NCOR1: variants seen among roughly 807,000 people sequenced by gnomAD.
The protein encoded by NCOR1 is nuclear receptor corepressor 1, also known as protein phosphatase 1, regulatory subunit 109.
A neutral mutation model predicts 288.1 loss-of-function variants in NCOR1; 63 were observed. The observed-to-expected ratio is 0.22, with a 90% CI of 0.18 to 0.27. The LOEUF (loss-of-function observed/expected upper bound fraction) is 0.27. Among genes scored for constraint, NCOR1 ranks in the 10% least tolerant of loss-of-function variants. NCOR1 has a pLI of 1.00. For missense variants in NCOR1, 2,397 were observed against 3,019.2 expected, an observed-to-expected ratio of 0.79 and a Z score of 4.83; for synonymous variants, 1,007 against 1,065.9, an observed-to-expected ratio of 0.94 and a Z score of 1.08.
At position 16,032,356 on chromosome 17, in the gene NCOR1, C is replaced by T. The variant is rs1972181976; in HGVS notation, c.7263G>A (p.Glu2421=). Residue 2421 remains glutamate, a synonymous_variant, in exon 46 of 46, where the codon GAG becomes GAA. Coordinates refer to ENST00000268712, the MANE Select transcript of NCOR1 (RefSeq NM_006311.4). ...AAPHQQNRIW[E]REPAPLLSAQ... is the part of the protein sequence containing the mutation. ...CTGAGAGCAGTGGGGCAGGCTCTCG[C>T]TCCCAGATCCTGTTCTGTTGGTGAG... is the stretch of plus-strand genomic sequence containing the variant. 2 of 1,614,146 alleles carry T rather than the reference C, an allele frequency of 1.2e-6. No individual in the cohort carries two copies. Among genetic ancestry groups the T allele is most frequent in the East Asian group, 4.5e-5 (2 of 44,868 alleles).
chr17:16,100,646 GAA>G (rs898233405), intron 20 of NCOR1, among the ~76,000 whole-genome samples: 1 of 151,588 alleles, frequency 6.6e-6, no homozygotes, highest in African/African-American at 2.4e-5. Context: ...CTCAAAAAAA[GAA>G]AAAAAACTTG....
At chr17:16,176,961 T>C (rs1381946164) in intron 3 of NCOR1, among the ~76,000 whole-genome samples, 7 of 152,084 alleles carry the variant, frequency 4.6e-5, no homozygotes, top group Admixed American at 3.3e-4. Flanking sequence ...TTATGAATAT[T>C]ATTACTGTTC....
At chr17:16,188,610 C>CA (rs1162863937) in intron 2 of NCOR1, among the ~76,000 whole-genome samples, 204 of 132,694 alleles carry the variant, frequency 1.5e-3, no homozygotes, top group Middle Eastern at 3.8e-3. Flanking sequence ...GACTCCATCT[C>CA]AAAAAAAAAA....
chr17:16,088,714 T>G (rs972062288), intron 22 of NCOR1, among the ~76,000 whole-genome samples: 4 of 152,190 alleles, frequency 2.6e-5, no homozygotes, highest in African/African-American at 7.2e-5. Context: ...ATGTGATTAT[T>G]AATACCATTT....
intron 6 of NCOR1, 131 bp from the exon 7 acceptor site, chr17:16,153,526 CTA>C (rs1262181651): frequency 3.8e-6 from 2 of 527,326 alleles, no homozygotes; most frequent in Non-Finnish European, 6.5e-6. Context: ...TATCCTTCTT[CTA>C]TATGACAGGC....
In NCOR1 at chr17:16,185,008, CAA is replaced by C. The variant is rs34725978; in HGVS notation, c.242+1544_242+1545del. Among the ~76,000 whole-genome samples, 309 of 97,362 alleles carry C rather than the reference CAA, an allele frequency of 3.2e-3. 3 individuals carry two copies. The highest frequency in any genetic ancestry group is 0.011 in the African/African-American group (256 of 24,360). The allele number at this position is 97,362 out of a possible 152,430, so 63.9% of individuals were successfully genotyped here. On this transcript the variant is annotated intron_variant, in intron 3 of 45. Transcript: ENST00000268712. ...TTTCGCTTATATGTGGAATCTTAAACAAAAAAAAAAAAAAAAAAAAGGAACTA... is the reference window on the plus strand; with the variant it reads ...TTTCGCTTATATGTGGAATCTTAAACAAAAAAAAAAAAAAAAAAGGAACTA...
At chr17:16,161,375 T>C (rs924680610) in intron 5 of NCOR1, among the ~76,000 whole-genome samples, 1 of 152,114 alleles carries the variant, frequency 6.6e-6, no homozygotes, top group African/African-American at 2.4e-5. Context: ...CTGCAACCTC[T>C]GCCTCCCGGG....
intron 12 of NCOR1, 120 bp from the exon 13 acceptor site, chr17:16,138,332 C>T (rs941099968): frequency 1.3e-6 from 1 of 772,132 alleles, no homozygotes; most frequent in African/African-American, 1.8e-5. Flanking sequence ...TGCCTGTAAT[C>T]CCAGCACTTT....
At chr17:16,212,058 A>G (rs2153625543) in intron 1 of NCOR1, among the ~76,000 whole-genome samples, 1 of 152,200 alleles carries the variant, frequency 6.6e-6, no homozygotes, top group South Asian at 2.1e-4. Context: ...CGGGTAGATC[A>G]TGAGGTCAGG....
At chr17:16,072,679 T>C (rs1225558297) in intron 28 of NCOR1, among the ~76,000 whole-genome samples, 1 of 152,212 alleles carries the variant, frequency 6.6e-6, no homozygotes, top group Non-Finnish European at 1.5e-5. Flanking sequence ...CTTCACATTA[T>C]TGTTGCTGAT....
intron 44 of NCOR1, among the ~76,000 whole-genome samples, chr17:16,039,027 C>G (rs373688637): frequency 2.6e-5 from 4 of 152,220 alleles, no homozygotes; most frequent in Non-Finnish European, 4.4e-5. Flanking sequence ...CCTCCGCCCC[C>G]CAAAGTGCTG....
intron 26 of NCOR1, among the ~76,000 whole-genome samples, chr17:16,079,620 C>T (rs776133853): frequency 5.3e-5 from 8 of 152,122 alleles, no homozygotes; most frequent in Non-Finnish European, 1.2e-4. Flanking sequence ...CAAAAGTAAG[C>T]AAATAATTCG....
intron 19 of NCOR1, among the ~76,000 whole-genome samples, chr17:16,106,878 T>A (rs1254111706): frequency 1.6e-5 from 1 of 61,086 alleles, no homozygotes; most frequent in Non-Finnish European, 3.0e-5. Flanking sequence ...TATATATATA[T>A]ATATATTTTT....
In NCOR1 at chr17:16,101,471, G is replaced by A. The variant is rs377605315; in HGVS notation, c.2469C>T (p.Asp823=). ...PPPATKADSV[D]VEVRVPENHA... Reference sequence around the variant, plus strand: ...GGTTTTCTGGCACCCTCACTTCAACGTCCACAGAGTCAGCTTTGGTAGCGG... The same window carrying A: ...GGTTTTCTGGCACCCTCACTTCAACATCCACAGAGTCAGCTTTGGTAGCGG... The change falls in exon 20 of 46, where the codon GAC becomes GAT. Residue 823 remains aspartate, a synonymous_variant. Coordinates refer to ENST00000268712, the MANE Select transcript of NCOR1 (RefSeq NM_006311.4). 37 of 1,613,948 alleles carry A rather than the reference G, an allele frequency of 2.3e-5. 1 individual carries two copies. The South Asian group carries it at 2.6e-4, about 11-fold the overall frequency.
chr17:16,144,999 C>T (rs1188030507), intron 10 of NCOR1, among the ~76,000 whole-genome samples: 1 of 152,246 alleles, frequency 6.6e-6, no homozygotes, highest in Non-Finnish European at 1.5e-5. Flanking sequence ...CCGCTTGCTG[C>T]AACCTCCCTG....
In NCOR1 at chr17:16,092,695, ATTTTTTTTT is replaced by A. The variant is rs1184440315; in HGVS notation, c.2821-646_2821-638del. On this transcript the variant is annotated intron_variant, in intron 21 of 45. Coordinates refer to ENST00000268712, the MANE Select transcript of NCOR1 (RefSeq NM_006311.4). ...TATATATATATATATATATATATAT[ATTTTTTTTT>A]TTTTTTTTTTTTAAGACATAGTCTC... Among the ~76,000 whole-genome samples, 207 of 22,554 alleles carry A rather than the reference ATTTTTTTTT, an allele frequency of 9.2e-3. 6 individuals carry two copies. Among genetic ancestry groups the A allele is most frequent in the South Asian group, 0.042 (13 of 308 alleles). 14.8% of individuals were successfully genotyped at this position (22,554 alleles called of 152,430 possible).
At position 16,070,617 on chromosome 17, in the gene NCOR1, C is replaced by T. The variant is rs890890203; in HGVS notation, c.4153-92G>A. On this transcript the variant is annotated intron_variant, in intron 30 of 45. Transcript: ENST00000268712. ...TGTCTGGCCCATGGCAGTTACAGTT[C>T]ACTGTGGTGATCTTTTTTGGTCTGT... 3.3e-6 allele frequency: 5 copies of T among 1,493,526 alleles called. No individual in the cohort carries two copies. The African/African-American group carries it at 7.0e-5, about 21-fold the overall frequency. 92.5% of individuals were successfully genotyped at this position (1,493,526 alleles called of 1,614,324 possible).
chr17:16,041,409 T>TC (rs960908290), intron 42 of NCOR1: 21 of 146,268 alleles, frequency 1.4e-4, no homozygotes, highest in African/African-American at 5.4e-4. Flanking sequence ...AAGTTCTTTT[T>TC]TTTTTTTTTT....
chr17:16,139,512 G>T (rs1174907137), intron 11 of NCOR1, among the ~76,000 whole-genome samples: 1 of 152,072 alleles, frequency 6.6e-6, no homozygotes. Context: ...TCACTGAAGT[G>T]GTGACCTTAT....
Sources: gnomAD v4.1 joint callset for allele counts (sites outside exome capture counted in the v4.1 genomes callset) on GRCh38, gnomAD v4.1.1 for gene constraint, MANE v1.5 for transcripts, NCBI Gene and HGNC (gene_info 2026-07-23, HGNC 2026-07-21) for gene names.